Variants in EPHA6 observed in about 807,000 individuals in gnomAD.
EPHA6 encodes the protein ephrin type-A receptor 6.
Under a neutral mutation model 112.0 loss-of-function variants are expected in EPHA6, and 50 were observed. The ratio of observed to expected loss-of-function variants is 0.45; its 90% CI spans 0.36 to 0.56. EPHA6 has a LOEUF of 0.56. Ranked by LOEUF, EPHA6 falls within the 20% of genes least tolerant of loss-of-function variation. The pLI is 0.00. For missense variants in EPHA6, 1,280 were observed against 1,417.4 expected (o/e 0.90, Z 1.56); for synonymous variants, 529 against 490.7 (o/e 1.08, Z -1.03).
chr3:96,836,565 A>G (rs1206251333), intron 1 of EPHA6, among the ~76,000 whole-genome samples: 1 of 152,196 alleles, frequency 6.6e-6, no homozygotes, highest in Non-Finnish European at 1.5e-5. Flanking sequence ...AAACATTGCC[A>G]ATCAAGTCAT....
Position 96,836,021 on chromosome 3 carries a change from G to A in EPHA6, c.385+21013G>A, listed in dbSNP as rs1345015433. ...ATAAAATTCATCTTAGGTTCTATTTGGTTTATGTAGGAAGAAACTCTGAAA... is the reference window on the plus strand; with the variant it reads ...ATAAAATTCATCTTAGGTTCTATTTAGTTTATGTAGGAAGAAACTCTGAAA... On this transcript the variant is annotated intron_variant, in intron 1 of 17. Coordinates refer to ENST00000389672, the MANE Select transcript of EPHA6 (RefSeq NM_001080448.3). 2.0e-5 allele frequency among the ~76,000 whole-genome samples: 3 copies of A among 152,026 alleles called. No homozygotes were observed. The East Asian group carries it at 5.8e-4, about 29-fold the overall frequency.
At chr3:96,874,824 A>G (rs1678539017) in intron 2 of EPHA6, among the ~76,000 whole-genome samples, 1 of 152,154 alleles carries the variant, frequency 6.6e-6, no homozygotes, top group Admixed American at 6.6e-5. Flanking sequence ...CATCTGCCGT[A>G]AAGACACATT....
chr3:97,693,195 G>A (rs530921514), intron 14 of EPHA6, among the ~76,000 whole-genome samples: 1 of 152,278 alleles, frequency 6.6e-6, no homozygotes, highest in East Asian at 1.9e-4. Context: ...GATGCAGAGG[G>A]CCTGGCAGGA....
chr3:97,413,503 G>A (rs1177199878), intron 6 of EPHA6, among the ~76,000 whole-genome samples: 1 of 152,002 alleles, frequency 6.6e-6, no homozygotes, highest in African/African-American at 2.4e-5. Context: ...AAAACAGGGA[G>A]TAAAGGAAAA....
intron 5 of EPHA6, among the ~76,000 whole-genome samples, chr3:97,309,899 T>G (rs2081477221): frequency 1.3e-5 from 2 of 151,756 alleles, no homozygotes; most frequent in South Asian, 4.1e-4. Context: ...GTTGTTGACT[T>G]AACTGTTTAC....
intron 3 of EPHA6, among the ~76,000 whole-genome samples, chr3:97,039,574 A>AAT (rs1363166611): frequency 6.6e-6 from 1 of 152,050 alleles, no homozygotes; most frequent in Non-Finnish European, 1.5e-5. Flanking sequence ...GAGAAAGTGG[A>AAT]ATATTATGAG....
intron 10 of EPHA6, among the ~76,000 whole-genome samples, chr3:97,512,934 C>G (rs1376020272): frequency 2.0e-5 from 3 of 152,102 alleles, no homozygotes. Context: ...AGACATTCTC[C>G]CATACTGGGG....
intron 5 of EPHA6, among the ~76,000 whole-genome samples, chr3:97,356,991 T>A (rs980682123): frequency 2.0e-5 from 3 of 152,194 alleles, no homozygotes; most frequent in African/African-American, 7.2e-5. Context: ...ATAAATATTA[T>A]GTCTTCTTGC....
chr3:97,201,854 C>T (rs184112643), intron 3 of EPHA6, among the ~76,000 whole-genome samples: 85 of 152,152 alleles, frequency 5.6e-4, no homozygotes, highest in Admixed American at 1.4e-3. Flanking sequence ...CCAGTGAAGA[C>T]GTAAATTCCT....
intron 2 of EPHA6, among the ~76,000 whole-genome samples, chr3:96,969,861 G>A (rs1294134052): frequency 1.3e-5 from 2 of 151,784 alleles, no homozygotes; most frequent in Non-Finnish European, 2.9e-5. Flanking sequence ...ATTTCCTATT[G>A]TAATGTGTAC....
chr3:97,633,398 G>A (rs1045040867), intron 13 of EPHA6, among the ~76,000 whole-genome samples: 6 of 152,038 alleles, frequency 3.9e-5, no homozygotes, highest in African/African-American at 1.4e-4. Flanking sequence ...TTCCTGGGAA[G>A]AGACCATATG....
At chr3:96,865,872 C>A (rs2036280381) in intron 1 of EPHA6, among the ~76,000 whole-genome samples, 1 of 151,838 alleles carries the variant, frequency 6.6e-6, no homozygotes, top group Admixed American at 6.6e-5. Context: ...CATGAGCTGT[C>A]CACATTTACC....
chr3:97,127,629 G>T (rs1196892043), intron 3 of EPHA6, among the ~76,000 whole-genome samples: 1 of 151,660 alleles, frequency 6.6e-6, no homozygotes, highest in Non-Finnish European at 1.5e-5. Context: ...ACTGACAAGG[G>T]AGACTCCTTT....
At chr3:96,849,636 A>G (rs1406882406) in intron 1 of EPHA6, among the ~76,000 whole-genome samples, 1 of 151,978 alleles carries the variant, frequency 6.6e-6, no homozygotes, top group Non-Finnish European at 1.5e-5. Context: ...AAACTTTCCT[A>G]TTCTTTTGTC....
chr3:96,956,483 C>T (rs1383081250), intron 2 of EPHA6, among the ~76,000 whole-genome samples: 2 of 152,090 alleles, frequency 1.3e-5, no homozygotes, highest in African/African-American at 4.8e-5. Context: ...ATGGACTCAG[C>T]TGGTATTTTC....
intron 13 of EPHA6, among the ~76,000 whole-genome samples, chr3:97,623,124 A>C (rs2093827400): frequency 6.6e-6 from 1 of 151,674 alleles, no homozygotes; most frequent in Admixed American, 6.6e-5. Context: ...ACAGTTTGTC[A>C]GTTTTTTCTT....
intron 12 of EPHA6, among the ~76,000 whole-genome samples, chr3:97,596,902 A>ATATATATATATATATATATATG (rs1488752484): frequency 7.0e-5 from 8 of 114,320 alleles, no homozygotes; most frequent in African/African-American, 2.4e-4. Context: ...ATATATATAT[A>ATATATATATATATATATATATG]TATGTATGTA....
At chr3:97,509,212 A>G (rs1300678037) in intron 10 of EPHA6, among the ~76,000 whole-genome samples, 3 of 151,484 alleles carry the variant, frequency 2.0e-5, no homozygotes, top group African/African-American at 7.3e-5. Context: ...CTATGCGTGA[A>G]TTTGATCCTG....
At chr3:97,681,926 A>G (rs1251049729) in intron 14 of EPHA6, among the ~76,000 whole-genome samples, 1 of 152,056 alleles carries the variant, frequency 6.6e-6, no homozygotes, top group Non-Finnish European at 1.5e-5. Context: ...ACAAAAATAT[A>G]TTACATATGT....
Sources: gnomAD v4.1 joint callset for allele counts (sites outside exome capture counted in the v4.1 genomes callset) on GRCh38, gnomAD v4.1.1 for gene constraint, MANE v1.5 for transcripts, NCBI Gene and HGNC (gene_info 2026-07-23, HGNC 2026-07-21) for gene names.